WASHC2C: variants seen among roughly 807,000 people sequenced by gnomAD.
WASHC2C encodes Vaccinia Penetration Factor.
Under a neutral mutation model 142.2 loss-of-function variants are expected in WASHC2C, and 73 were observed. The ratio of observed to expected loss-of-function variants is 0.51; its 90% CI spans 0.43 to 0.62. The LOEUF is 0.62. Among genes scored for constraint, WASHC2C ranks in the 20% least tolerant of loss-of-function variants. The pLI is 0.00. For missense variants in WASHC2C, 969 were observed against 1,531.7 expected (o/e 0.63, Z 6.13); for synonymous variants, 337 against 565.5 (o/e 0.60, Z 5.73).
intron 20 of WASHC2C, chr10:45,771,754 T>A: frequency 2.9e-6 from 1 of 349,214 alleles, no homozygotes; most frequent in Non-Finnish European, 4.0e-6. Context: ...AAGAAGAAGT[T>A]GAGGTGAGGA....
At chr10:45,757,219 C>G (rs1484447690) in intron 16 of WASHC2C, 80 bp downstream of exon 16, 9 of 1,601,348 alleles carry the variant, frequency 5.6e-6, no homozygotes, top group Non-Finnish European at 7.7e-6. Context: ...GAGGGAAGTA[C>G]TGTTCCCTTT....
chr10:45,790,958 G>A (rs2058360685), intron 30 of WASHC2C, among the ~76,000 whole-genome samples: 1 of 152,176 alleles, frequency 6.6e-6, no homozygotes, highest in African/African-American at 2.4e-5. Context: ...TGTGCGAGAA[G>A]AGAGCAAGTC....
chr10:45,728,943 C>T lies in WASHC2C; in HGVS notation c.208C>T (p.Arg70Trp), dbSNP rs782229472. The change falls in exon 3 of 31, where the codon CGG becomes TGG. Residue 70 changes from arginine (R) to tryptophan (W), a missense_variant. Transcript: ENST00000623400. ...EIKKQVDGLI[R>W]ETKATDCRLH... ...CAAGAAACAAGTGGACGGACTAATC[C>T]GGGAAACCAAAGCCACAGATTGTCG... The T allele has an allele frequency of 1.2e-5, 19 of 1,613,780 alleles. No homozygotes were observed. The highest frequency in any genetic ancestry group is 4.0e-5 in the African/African-American group (3 of 74,892).
chr10:45,759,204 G>A, intron 16 of WASHC2C, 111 bp from the exon 17 acceptor site: 2 of 693,470 alleles, frequency 2.9e-6, no homozygotes, highest in South Asian at 1.9e-5. Context: ...GAGACTCCGT[G>A]CGTTTTCTCG....
At chr10:45,766,170 T>G (rs1191500040) in intron 19 of WASHC2C, among the ~76,000 whole-genome samples, 2 of 152,008 alleles carry the variant, frequency 1.3e-5, no homozygotes, top group Non-Finnish European at 2.9e-5. Flanking sequence ...TAAGATAAGT[T>G]TTACCAGACA....
At position 45,777,383 on chromosome 10, in the gene WASHC2C, G is replaced by A; in HGVS notation, c.2253G>A (p.Glu751=). ...ATAAGAAGGTTGAGAGTGCCAAGGA[G>A]TCATTAAAATTTGGGAGAACTGATG... ...SVDKKVESAK[E]SLKFGRTDVA... is the part of the protein sequence containing the mutation. Residue 751 remains glutamate, a synonymous_variant, in exon 22 of 31, where the codon GAG becomes GAA. Coordinates refer to ENST00000623400, the MANE Select transcript of WASHC2C (RefSeq NM_001330074.2). 2 of 1,610,516 alleles carry A rather than the reference G, an allele frequency of 1.2e-6. No individual in the cohort carries two copies. Among genetic ancestry groups the A allele is most frequent in the Non-Finnish European group, 1.7e-6 (2 of 1,178,738 alleles).
chr10:45,770,006 C>T (rs1410976181), intron 20 of WASHC2C, among the ~76,000 whole-genome samples: 1 of 151,302 alleles, frequency 6.6e-6, no homozygotes, highest in Non-Finnish European at 1.5e-5. Flanking sequence ...TTTGGGAGGC[C>T]GAGGTGGGCA....
At chr10:45,779,160 A>C (rs575401242) in intron 23 of WASHC2C, 25 bp downstream of exon 23, 1 of 1,611,932 alleles carries the variant, frequency 6.2e-7, no homozygotes, top group South Asian at 1.1e-5. Flanking sequence ...GTAGTGGTTC[A>C]AGTCTCTGGA....
At chr10:45,769,929 T>A (rs1454083571) in intron 20 of WASHC2C, among the ~76,000 whole-genome samples, 2 of 151,674 alleles carry the variant, frequency 1.3e-5, no homozygotes, top group Non-Finnish European at 2.9e-5. Flanking sequence ...GTATGTCAGG[T>A]TTGGTCAGGA....
chr10:45,730,072 T>C (rs1177897822), intron 3 of WASHC2C, among the ~76,000 whole-genome samples: 102 of 135,546 alleles, frequency 7.5e-4, no homozygotes, highest in Non-Finnish European at 1.9e-4. Flanking sequence ...CGGCCAGGCG[T>C]GGTGGCTCAT....
At chr10:45,780,906 A>C (rs2135581385) in intron 23 of WASHC2C, among the ~76,000 whole-genome samples, 1 of 151,672 alleles carries the variant, frequency 6.6e-6, no homozygotes, top group Non-Finnish European at 1.5e-5. Context: ...GGCACCCACC[A>C]CCATGCCCAG....
intron 3 of WASHC2C, among the ~76,000 whole-genome samples, chr10:45,735,301 C>G (rs1276138892): frequency 6.6e-6 from 1 of 150,852 alleles, no homozygotes; most frequent in African/African-American, 2.4e-5. Context: ...GCAATCTCGG[C>G]TCACTGCAAC....
In WASHC2C at chr10:45,769,589, A is replaced by G. The variant is rs1554883839; in HGVS notation, c.2010A>G (p.Glu670=). 6.2e-7 allele frequency: 1 copy of G among 1,611,848 alleles called. No individual in the cohort carries two copies. The highest frequency in any genetic ancestry group is 1.3e-5 in the African/African-American group (1 of 74,828). Residue 670 remains glutamate, a synonymous_variant, in exon 20 of 31, where the codon GAA becomes GAG. Coordinates refer to ENST00000623400, the MANE Select transcript of WASHC2C (RefSeq NM_001330074.2). ...KKTSLFEEDK[E]DDLFAIAKDS... is the part of the protein sequence containing the mutation. ...CCAGTCTCTTTGAGGAAGACAAAGA[A>G]GATGATCTTTTTGCCATTGCCAAGG...
At chr10:45,747,330 G>A (rs1236650762) in intron 8 of WASHC2C, among the ~76,000 whole-genome samples, 1 of 152,032 alleles carries the variant, frequency 6.6e-6, no homozygotes, top group Non-Finnish European at 1.5e-5. Flanking sequence ...TTTTAGTAGA[G>A]ATGGGGTTTC....
intron 11 of WASHC2C, among the ~76,000 whole-genome samples, chr10:45,752,218 T>C (rs1317172022): frequency 3.3e-5 from 5 of 152,262 alleles, no homozygotes; most frequent in African/African-American, 1.2e-4. Flanking sequence ...CCTGTGTCAG[T>C]TTGCAGATCC....
At chr10:45,751,271 T>G (rs2879157) in intron 10 of WASHC2C, among the ~76,000 whole-genome samples, 14 of 150,664 alleles carry the variant, frequency 9.3e-5, no homozygotes, top group South Asian at 4.3e-4. Flanking sequence ...ATGAGCCTGG[T>G]ACGAAAGCAG....
At chr10:45,757,903 A>G (rs1276165658) in intron 16 of WASHC2C, among the ~76,000 whole-genome samples, 5 of 152,120 alleles carry the variant, frequency 3.3e-5, no homozygotes, top group Admixed American at 2.0e-4. Context: ...CAGGCCATGG[A>G]CTGGTCTGCA....
rs1433575395 is a variant in WASHC2C at position 45,746,581 on chromosome 10, C to T, written c.685-19C>T. ...AAGTAAAGCCCATTTAACAACAAAG[C>T]CTTTTCTTACCCATAAAGGAGTCAG... On this transcript the variant is annotated intron_variant, in intron 7 of 30. Transcript: ENST00000623400. 6.2e-7 allele frequency: 1 copy of T among 1,613,042 alleles called. No homozygotes were observed. The highest frequency in any genetic ancestry group is 2.2e-5 in the East Asian group (1 of 44,818).
At chr10:45,736,145 C>T (rs1180871043) in intron 3 of WASHC2C, among the ~76,000 whole-genome samples, 2 of 150,424 alleles carry the variant, frequency 1.3e-5, no homozygotes, top group African/African-American at 4.9e-5. Flanking sequence ...TGGTGGCTCA[C>T]ACCTGTAATC....
Sources: allele counts gnomAD v4.1 joint callset (sites outside exome capture counted in the v4.1 genomes callset), GRCh38; gene constraint gnomAD v4.1.1; transcripts MANE v1.5; gene names NCBI Gene and HGNC (gene_info 2026-07-23, HGNC 2026-07-21).